ANXA4: variants seen among roughly 807,000 people sequenced by gnomAD.
ANXA4 encodes annexin A4, also known as 35-beta calcimedin.
Under a neutral mutation model 49.8 loss-of-function variants are expected in ANXA4, and 39 were observed. That is an observed-to-expected ratio of 0.78 (90% confidence interval 0.61 to 1.02). ANXA4 has a LOEUF of 1.02. Ranked by LOEUF, ANXA4 falls within the 50% of genes least tolerant of loss-of-function variation. The pLI is 0.00. For missense variants in ANXA4, 360 were observed against 410.1 expected, an observed-to-expected ratio of 0.88 and a Z score of 1.05; for synonymous variants, 134 against 152.5, an observed-to-expected ratio of 0.88 and a Z score of 0.89.
chr2:69,723,412 A>G (rs1669872441), intron 3 of ANXA4, among the ~76,000 whole-genome samples: 1 of 152,114 alleles, frequency 6.6e-6, no homozygotes, highest in Admixed American at 6.5e-5. Context: ...TGCAGTGTGG[A>G]CTAGGGGAGG....
rs111536443 is a variant in ANXA4, at chr2:69,726,942, G to C, written n.864+6071G>C. On this transcript the variant is annotated intron_variant and non_coding_transcript_variant, in intron 3 of 3. Transcript: ENST00000418066. ...CTGTCGCCCAGGCTGGAGTGCAGTGGCATGATCCTGGCTCACTGCAGCCTA... is the reference window on the plus strand; with the variant it reads ...CTGTCGCCCAGGCTGGAGTGCAGTGCCATGATCCTGGCTCACTGCAGCCTA... 7.8e-3 allele frequency among the ~76,000 whole-genome samples: 1,188 copies of C among 152,270 alleles called. 17 individuals are homozygous for C. Among genetic ancestry groups the C allele is most frequent in the African/African-American group, 0.027 (1,101 of 41,534 alleles).
intron 3 of ANXA4, among the ~76,000 whole-genome samples, chr2:69,732,229 G>A (rs1670123845): frequency 1.3e-5 from 2 of 151,082 alleles, no homozygotes; most frequent in South Asian, 2.1e-4. Flanking sequence ...CGGCCGCCTC[G>A]GCCTCCCAAA....
chr2:69,644,165 T>TTCCCCCCCCCCCCC (rs1553424953), upstream of ANXA4, among the ~76,000 whole-genome samples: 2 of 21,116 alleles, frequency 9.5e-5, 1 homozygote. Context: ...ACAACTAAGT[T>TTCCCCCCCCCCCCC]CCCCCCCCCC....
At chr2:69,687,361 A>T (rs1677826066) in intron 2 of ANXA4, among the ~76,000 whole-genome samples, 1 of 152,108 alleles carries the variant, frequency 6.6e-6, no homozygotes, top group Non-Finnish European at 1.5e-5. Context: ...AAAAATAATT[A>T]GCTGGGAATA....
intron 2 of ANXA4, among the ~76,000 whole-genome samples, chr2:69,698,657 T>G (rs1678236464): frequency 6.6e-6 from 1 of 152,134 alleles, no homozygotes. Flanking sequence ...GACTGTGCGA[T>G]GGGCAAGTGT....
At chr2:69,731,965 C>T (rs1670109775) in intron 3 of ANXA4, among the ~76,000 whole-genome samples, 1 of 145,768 alleles carries the variant, frequency 6.9e-6, no homozygotes, top group South Asian at 2.1e-4. Flanking sequence ...TTCTTAGTTA[C>T]ATTTTCTTTT....
chr2:69,730,863 C>A (rs73935683), intron 3 of ANXA4, among the ~76,000 whole-genome samples: 1 of 152,052 alleles, frequency 6.6e-6, no homozygotes. Flanking sequence ...AATGTAGGAA[C>A]GGGAGGAGGC....
chr2:69,721,182 G>A (rs933360726), intron 3 of ANXA4, among the ~76,000 whole-genome samples: 2 of 152,238 alleles, frequency 1.3e-5, no homozygotes, highest in Non-Finnish European at 2.9e-5. Context: ...CTCTTTGTCA[G>A]TTCCCACCAC....
intron 3 of ANXA4, among the ~76,000 whole-genome samples, chr2:69,727,815 G>A (rs1372338746): frequency 6.6e-6 from 1 of 152,170 alleles, no homozygotes; most frequent in South Asian, 2.1e-4. Flanking sequence ...CAATTGTCTC[G>A]CTAATGTCTT....
chr2:69,692,631 A>G (rs1290031088), intron 2 of ANXA4, among the ~76,000 whole-genome samples: 1 of 152,240 alleles, frequency 6.6e-6, no homozygotes, highest in Non-Finnish European at 1.5e-5. Context: ...CTTAAAAGAC[A>G]CTTGATGTTT....
chr2:69,706,369 C>T (rs893080028), intron 2 of ANXA4, among the ~76,000 whole-genome samples: 3 of 126,938 alleles, frequency 2.4e-5, no homozygotes, highest in African/African-American at 8.9e-5. Context: ...GGTTCGATCT[C>T]AGCTCACTGC....
At chr2:69,806,277 G>T (rs560833055) in intron 4 of ANXA4, 108 bp from the exon 5 acceptor site, 12 of 696,122 alleles carry the variant, frequency 1.7e-5, no homozygotes, top group Admixed American at 7.3e-5. Flanking sequence ...TGACTTGCAG[G>T]CCCCTTGAAA....
chr2:69,787,781 C>T (rs964482272), intron 2 of ANXA4, among the ~76,000 whole-genome samples: 5 of 152,222 alleles, frequency 3.3e-5, no homozygotes, highest in Non-Finnish European at 7.3e-5. Context: ...CAGAATGGGT[C>T]CTGCAGGACC....
chr2:69,643,828 C>A (rs1675877161), upstream of ANXA4: 1 of 1,182,466 alleles, frequency 8.5e-7, no homozygotes. Flanking sequence ...CCCCTCGGGG[C>A]GGCGCGGCGA....
intron 1 of ANXA4, among the ~76,000 whole-genome samples, chr2:69,772,428 G>C (rs956348891): frequency 6.6e-6 from 1 of 152,118 alleles, no homozygotes; most frequent in Non-Finnish European, 1.5e-5. Flanking sequence ...GAGGTGGGAA[G>C]GTTATAGGTG....
intron 1 of ANXA4, among the ~76,000 whole-genome samples, chr2:69,765,341 C>T (rs1412665183): frequency 6.6e-6 from 1 of 152,164 alleles, no homozygotes; most frequent in Admixed American, 6.5e-5. Flanking sequence ...TACTTTCTTA[C>T]CAGCAGTGTA....
At chr2:69,669,539 C>A (rs112131866) in intron 2 of ANXA4, among the ~76,000 whole-genome samples, 13,388 of 150,736 alleles carry the variant, frequency 0.089, 1,388 homozygotes, top group East Asian at 0.37. Context: ...TGAACCCAGG[C>A]GGCAGAGGTT....
chr2:69,774,257 G>A (rs1252653705), intron 1 of ANXA4, among the ~76,000 whole-genome samples: 2 of 151,306 alleles, frequency 1.3e-5, no homozygotes, highest in East Asian at 3.9e-4. Flanking sequence ...GGGAAACTGA[G>A]AGAGAAAATT....
chr2:69,708,533 AAGAG>A (rs112618606), intron 2 of ANXA4, among the ~76,000 whole-genome samples: 3 of 149,504 alleles, frequency 2.0e-5, no homozygotes, highest in East Asian at 2.0e-4. Flanking sequence ...AGAAGAAAGA[AAGAG>A]AGAGAGAGAG....
Sources: allele counts gnomAD v4.1 joint callset (sites outside exome capture counted in the v4.1 genomes callset), GRCh38; gene constraint gnomAD v4.1.1; transcripts MANE v1.5; gene names NCBI Gene and HGNC (gene_info 2026-07-23, HGNC 2026-07-21).